Variants in ATP10B observed in about 807,000 individuals in gnomAD.
The protein encoded by ATP10B is ATPase phospholipid transporting 10B (putative), also known as phospholipid-transporting ATPase VB.
ATP10B carries 122 observed loss-of-function variants against 141.2 expected under a neutral mutation model. That is an observed-to-expected ratio of 0.86 (90% confidence interval 0.75 to 1.00). The LOEUF (loss-of-function observed/expected upper bound fraction) is 1.00. ATP10B is among the 50% of genes least tolerant of loss of function. The pLI is 0.00. For synonymous variants in ATP10B, 685 were observed against 692.0 expected (o/e 0.99, Z 0.16); for missense variants, 1,876 against 1,825.3 (o/e 1.03, Z -0.51).
chr5:160,758,498 G>A (rs1768798127), intron 2 of ATP10B, among the ~76,000 whole-genome samples: 2 of 152,202 alleles, frequency 1.3e-5, no homozygotes, highest in South Asian at 4.1e-4. Context: ...CTTTACAGGA[G>A]AAGAGAAGAT....
intron 2 of ATP10B, among the ~76,000 whole-genome samples, chr5:160,762,127 G>A (rs750560543): frequency 4.6e-5 from 7 of 152,146 alleles, no homozygotes; most frequent in South Asian, 2.1e-4. Flanking sequence ...AAATCTAAAC[G>A]TTTGAAAAAC....
At chr5:160,622,909 C>T (rs971491509) in intron 13 of ATP10B, among the ~76,000 whole-genome samples, 1 of 152,138 alleles carries the variant, frequency 6.6e-6, no homozygotes, top group Non-Finnish European at 1.5e-5. Flanking sequence ...ACTGTTGCCT[C>T]TCACCTTTTT....
At chr5:160,655,753 G>A (rs150964338) in intron 7 of ATP10B, among the ~76,000 whole-genome samples, 29 of 152,232 alleles carry the variant, frequency 1.9e-4, no homozygotes, top group East Asian at 1.4e-3. Flanking sequence ...CTAGTCTTCC[G>A]TTCATTCATG....
chr5:160,775,133 C>A, intron 2 of ATP10B, among the ~76,000 whole-genome samples: 1 of 152,184 alleles, frequency 6.6e-6, no homozygotes, highest in East Asian at 1.9e-4. Flanking sequence ...CTAGCCGTGG[C>A]CGTGTTTATC....
intron 5 of ATP10B, 119 bp downstream of exon 5, chr5:160,687,681 C>G: frequency 8.3e-7 from 1 of 1,211,352 alleles, no homozygotes; most frequent in Admixed American, 2.4e-5. Flanking sequence ...GGGAGATTCC[C>G]TTGAACCCAG....
At chr5:160,732,020 G>C (rs549513937) in intron 2 of ATP10B, among the ~76,000 whole-genome samples, 3 of 152,042 alleles carry the variant, frequency 2.0e-5, no homozygotes, top group African/African-American at 7.2e-5. Context: ...ATTCTCAAAG[G>C]AAAAGACCAT....
chr5:160,687,845 G>A lies in ATP10B; in HGVS notation c.230C>T (p.Thr77Ile). ...PGNRTCTTKY[T>I]LFTFLPRNLF... Reference sequence around the variant, plus strand: ...ATTCCGGGGCAGGAAGGTGAAGAGGGTGTATTTGGTTGTGCAGGTTCTGTT... The same window carrying A: ...ATTCCGGGGCAGGAAGGTGAAGAGGATGTATTTGGTTGTGCAGGTTCTGTT... Residue 77 changes from threonine (T) to isoleucine (I), a missense_variant, in exon 5 of 26, where the codon ACC becomes ATC. Physicochemically the swap from Thr to Ile is moderately conservative, Grantham distance 89. Transcript: ENST00000327245. 1 of 1,614,170 alleles carries A rather than the reference G, an allele frequency of 6.2e-7. No homozygotes were observed. Among genetic ancestry groups the A allele is most frequent in the Non-Finnish European group, 8.5e-7 (1 of 1,180,024 alleles).
chr5:160,901,353 A>G, the ATP10B span, among the ~76,000 whole-genome samples: 1 of 152,188 alleles, frequency 6.6e-6, no homozygotes, highest in Admixed American at 6.6e-5. Flanking sequence ...ATTTTGAATC[A>G]GTTCAAGTAA....
the ATP10B span, among the ~76,000 whole-genome samples, chr5:160,888,352 A>T: frequency 6.6e-6 from 1 of 152,202 alleles, no homozygotes; most frequent in East Asian, 1.9e-4. Flanking sequence ...AGGCAGCACC[A>T]ATTTTCAGAC....
intron 24 of ATP10B, among the ~76,000 whole-genome samples, chr5:160,576,178 T>A (rs1346671266): frequency 6.6e-6 from 1 of 152,126 alleles, no homozygotes; most frequent in East Asian, 1.9e-4. Flanking sequence ...TGTCTCCATC[T>A]CCAAAACCAG....
chr5:160,667,310 A>T (rs1164461841), intron 7 of ATP10B, among the ~76,000 whole-genome samples: 2 of 152,222 alleles, frequency 1.3e-5, no homozygotes. Flanking sequence ...TTCCCGGCTC[A>T]GTGACCTTGG....
intron 3 of ATP10B, chr5:160,691,761 G>A (rs767367467): frequency 9.2e-5 from 14 of 152,080 alleles, no homozygotes; most frequent in Non-Finnish European, 1.9e-4. Flanking sequence ...CTGATTTTCA[G>A]TCCACAGACC....
At chr5:160,751,348 A>G (rs920518128) in intron 2 of ATP10B, among the ~76,000 whole-genome samples, 5 of 152,148 alleles carry the variant, frequency 3.3e-5, no homozygotes, top group African/African-American at 4.8e-5. Context: ...GACTCATGCT[A>G]TGAAATGTCC....
chr5:160,663,507 C>G (rs1414064740), intron 7 of ATP10B, among the ~76,000 whole-genome samples: 6 of 152,096 alleles, frequency 3.9e-5, no homozygotes, highest in Admixed American at 6.6e-5. Context: ...GATGAAGCTG[C>G]AAACCATCAT....
intron 2 of ATP10B, among the ~76,000 whole-genome samples, chr5:160,725,777 G>T (rs933827147): frequency 6.6e-6 from 1 of 152,170 alleles, no homozygotes; most frequent in East Asian, 1.9e-4. Flanking sequence ...AGATGCACTA[G>T]CCTGTTGCCA....
chr5:160,645,421 C>G (rs551082668), intron 8 of ATP10B, among the ~76,000 whole-genome samples: 1 of 152,214 alleles, frequency 6.6e-6, no homozygotes, highest in Non-Finnish European at 1.5e-5. Context: ...GGGTTCCTCT[C>G]GTTCCGAGCC....
chr5:160,727,339 G>A (rs892048235), intron 2 of ATP10B, among the ~76,000 whole-genome samples: 2 of 152,214 alleles, frequency 1.3e-5, no homozygotes, highest in African/African-American at 4.8e-5. Flanking sequence ...GGCCACACAG[G>A]TATAAGTGGT....
intron 17 of ATP10B, chr5:160,613,950 G>A (rs913203996): frequency 6.6e-6 from 1 of 152,054 alleles, no homozygotes; most frequent in Non-Finnish European, 1.5e-5. Context: ...CAATAGGTTG[G>A]CAAAGTGGTT....
chr5:160,891,797 A>G, the ATP10B span, among the ~76,000 whole-genome samples: 1 of 152,330 alleles, frequency 6.6e-6, no homozygotes, highest in South Asian at 2.1e-4. Context: ...TTTGATAGAA[A>G]AAGACATTTT....
Sources: gnomAD v4.1 joint callset for allele counts (sites outside exome capture counted in the v4.1 genomes callset) on GRCh38, gnomAD v4.1.1 for gene constraint, MANE v1.5 for transcripts, NCBI Gene and HGNC (gene_info 2026-07-23, HGNC 2026-07-21) for gene names.